Variants in TMEFF2 observed in about 807,000 individuals in gnomAD.
TMEFF2 encodes tomoregulin-2.
A neutral mutation model predicts 53.8 loss-of-function variants in TMEFF2; 28 were observed. The observed-to-expected ratio is 0.52, with a 90% CI of 0.39 to 0.71. TMEFF2 has a LOEUF of 0.71. Ranked by LOEUF, TMEFF2 falls within the 30% of genes least tolerant of loss-of-function variation. The pLI, the probability that TMEFF2 is intolerant of heterozygous loss-of-function variation, is 0.00. For missense variants in TMEFF2, 353 were observed against 455.2 expected (o/e 0.78, Z 2.04); for synonymous variants, 162 against 166.3 (o/e 0.97, Z 0.20).
intron 4 of TMEFF2, among the ~76,000 whole-genome samples, chr2:192,074,050 C>T (rs185818920): frequency 1.2e-4 from 19 of 152,052 alleles, no homozygotes; most frequent in African/African-American, 4.3e-4. Flanking sequence ...GGAGGGTCAA[C>T]TGAGATCACT....
intron 4 of TMEFF2, 156 bp downstream of exon 4, chr2:192,179,512 T>G (rs748738121): frequency 1.8e-5 from 12 of 657,152 alleles, no homozygotes; most frequent in Non-Finnish European, 2.7e-5. Flanking sequence ...GGTATATACA[T>G]GTACTTAATA....
rs115953785 is a variant in TMEFF2 at position 192,039,265 on chromosome 2, A to G, written c.536+18414T>C. 4.7e-3 allele frequency among the ~76,000 whole-genome samples: 721 copies of G among 152,328 alleles called. 5 individuals carry two copies. The highest frequency in any genetic ancestry group is 0.017 in the African/African-American group (688 of 41,578). On this transcript the variant is annotated intron_variant, in intron 5 of 9. Coordinates refer to ENST00000272771, the MANE Select transcript of TMEFF2 (RefSeq NM_016192.4). ...CTAGAAAATTATTGGTTATTTATCA[A>G]TTCTATGAATAAAAAAAGAAAGAAC...
chr2:192,194,544 G>T lies in TMEFF2; in HGVS notation c.-20C>A, dbSNP rs769217426. On this transcript the variant is annotated 5_prime_UTR_variant, in exon 1 of 10. Coordinates refer to ENST00000272771, the MANE Select transcript of TMEFF2 (RefSeq NM_016192.4). The surrounding 1 kb of genome is among the most constrained non-coding windows in gnomAD (Gnocchi z 4.2). ...CACCATGACTAGTTCGTGCAACTCT[G>T]CAGCAGCAAACGGCTTCCGAGGAAC... 2.5e-6 allele frequency: 4 copies of T among 1,605,316 alleles called. No homozygotes were observed. Among genetic ancestry groups the T allele is most frequent in the Non-Finnish European group, 3.4e-6 (4 of 1,174,470 alleles).
At chr2:191,997,400 CAGAA>C (rs1010406467) in intron 7 of TMEFF2, among the ~76,000 whole-genome samples, 2 of 151,382 alleles carry the variant, frequency 1.3e-5, no homozygotes, top group Admixed American at 1.3e-4. Context: ...AATGAAATTT[CAGAA>C]AGAAAGAATA....
intron 5 of TMEFF2, among the ~76,000 whole-genome samples, chr2:192,023,803 TTAGTGATATG>T (rs1384263762): frequency 6.6e-6 from 1 of 152,168 alleles, no homozygotes; most frequent in Non-Finnish European, 1.5e-5. Context: ...TAGCTCCTTT[TTAGTGATATG>T]TCTATTATCC....
intron 4 of TMEFF2, among the ~76,000 whole-genome samples, chr2:192,069,736 G>T (rs1559112495): frequency 6.6e-6 from 1 of 151,504 alleles, no homozygotes; most frequent in Non-Finnish European, 1.5e-5. Flanking sequence ...AGATCACCAA[G>T]GTTATCCAGA....
At chr2:192,173,103 G>T (rs1412601970) in intron 4 of TMEFF2, among the ~76,000 whole-genome samples, 1 of 151,740 alleles carries the variant, frequency 6.6e-6, no homozygotes, top group African/African-American at 2.4e-5. Context: ...AGTTAACAAT[G>T]ACTTATTGTA....
chr2:192,047,519 G>A (rs1372544771), intron 5 of TMEFF2, among the ~76,000 whole-genome samples: 1 of 152,184 alleles, frequency 6.6e-6, no homozygotes, highest in African/African-American at 2.4e-5. Context: ...AAAGAGAGCT[G>A]TGGTAAACAA....
At chr2:191,953,595 G>T in intron 9 of TMEFF2, 84 bp downstream of exon 9, 2 of 1,496,468 alleles carry the variant, frequency 1.3e-6, no homozygotes, top group Non-Finnish European at 1.8e-6. Flanking sequence ...GTCCATGAAG[G>T]AACTCACCTC....
At chr2:192,038,888 T>C (rs749085118) in intron 5 of TMEFF2, among the ~76,000 whole-genome samples, 2 of 152,200 alleles carry the variant, frequency 1.3e-5, no homozygotes, top group Admixed American at 6.5e-5. Context: ...CAGTTTTTAA[T>C]ATCCACACTG....
At chr2:192,050,662 AT>A in intron 5 of TMEFF2, among the ~76,000 whole-genome samples, 1 of 152,250 alleles carries the variant, frequency 6.6e-6, no homozygotes, top group East Asian at 1.9e-4. Context: ...CAAATATGGC[AT>A]TTGTTGACCC....
intron 7 of TMEFF2, among the ~76,000 whole-genome samples, chr2:191,987,581 GC>G (rs1686010974): frequency 1.3e-5 from 2 of 151,898 alleles, no homozygotes; most frequent in Admixed American, 1.3e-4. Context: ...TAATTTTCGT[GC>G]TTTTTGTAGA....
At chr2:192,150,466 T>C (rs1205180367) in intron 4 of TMEFF2, among the ~76,000 whole-genome samples, 1 of 151,884 alleles carries the variant, frequency 6.6e-6, no homozygotes, top group Non-Finnish European at 1.5e-5. Context: ...GAAACAAACC[T>C]AAGGAACAGA....
intron 4 of TMEFF2, among the ~76,000 whole-genome samples, chr2:192,152,262 T>C (rs960164450): frequency 6.6e-5 from 10 of 151,896 alleles, no homozygotes; most frequent in African/African-American, 1.9e-4. Flanking sequence ...AATGCAAGGT[T>C]TGAATCCAGA....
At chr2:192,093,027 C>A (rs919012315) in intron 4 of TMEFF2, among the ~76,000 whole-genome samples, 1 of 152,082 alleles carries the variant, frequency 6.6e-6, no homozygotes, top group Non-Finnish European at 1.5e-5. Flanking sequence ...GCAATATAGA[C>A]CCCCAAATTA....
intron 4 of TMEFF2, among the ~76,000 whole-genome samples, chr2:192,169,739 A>T (rs1229373973): frequency 6.6e-6 from 1 of 152,044 alleles, no homozygotes; most frequent in Non-Finnish European, 1.5e-5. Flanking sequence ...TCTGAGAACT[A>T]TTCACAATGG....
At chr2:192,104,669 T>G (rs1200101232) in intron 4 of TMEFF2, among the ~76,000 whole-genome samples, 17 of 152,012 alleles carry the variant, frequency 1.1e-4, no homozygotes. Context: ...TGTAAATGAT[T>G]TGAAAGCAAA....
At chr2:192,070,027 T>TC (rs1688258953) in intron 4 of TMEFF2, among the ~76,000 whole-genome samples, 1 of 41,156 alleles carries the variant, frequency 2.4e-5, no homozygotes, top group African/African-American at 6.4e-5. Context: ...TATATATATA[T>TC]ATATATATAT....
chr2:192,039,428 TTG>T (rs1687419658), intron 5 of TMEFF2, among the ~76,000 whole-genome samples: 2 of 152,334 alleles, frequency 1.3e-5, no homozygotes, highest in South Asian at 4.1e-4. Flanking sequence ...TGCTTCTCAT[TTG>T]TGTTTTTAAT....
Sources: gnomAD v4.1 joint callset for allele counts (sites outside exome capture counted in the v4.1 genomes callset) on GRCh38, gnomAD v4.1.1 for gene constraint, Gnocchi (gnomAD v3.1) non-coding constraint, MANE v1.5 for transcripts, NCBI Gene and HGNC (gene_info 2026-07-23, HGNC 2026-07-21) for gene names.